The following BLM variants were observed in gnomAD, a reference collection of about 807,000 sequenced individuals.
BLM encodes recQ-like DNA helicase BLM.
BLM carries 95 observed loss-of-function variants against 135.3 expected under a neutral mutation model. The ratio of observed to expected loss-of-function variants is 0.70; its 90% CI spans 0.59 to 0.83. BLM has a LOEUF of 0.83. Ranked by LOEUF, BLM falls within the 40% of genes least tolerant of loss-of-function variation. BLM has a pLI of 0.00. For missense variants in BLM, 1,518 were observed against 1,663.9 expected (o/e 0.91, Z 1.53); for synonymous variants, 520 against 589.2 (o/e 0.88, Z 1.70).
At chr15:90,773,843 T>C (rs1896395929) in intron 12 of BLM, among the ~76,000 whole-genome samples, 1 of 152,188 alleles carries the variant, frequency 6.6e-6, no homozygotes, top group South Asian at 2.1e-4. Context: ...ATATTCCATT[T>C]TATGGATCCT....
chr15:90,809,099 G>C, intron 19 of BLM, 38 bp from the exon 20 acceptor site: 1 of 1,612,992 alleles, frequency 6.2e-7, no homozygotes, highest in Non-Finnish European at 8.5e-7. Context: ...TTTTCTATGG[G>C]TGATAATTTA....
At chr15:90,731,820 A>C (rs1895076949) in intron 1 of BLM, among the ~76,000 whole-genome samples, 1 of 151,764 alleles carries the variant, frequency 6.6e-6, no homozygotes, top group Non-Finnish European at 1.5e-5. Flanking sequence ...TTTTTTTAAA[A>C]ATCTATTTAT....
At chr15:90,784,796 C>T (rs960587758) in intron 13 of BLM, 125 bp from the exon 14 acceptor site, 12 of 1,002,570 alleles carry the variant, frequency 1.2e-5, no homozygotes, top group Non-Finnish European at 1.8e-5. Context: ...GTGTGGTCTT[C>T]CAGCAGTATA....
chr15:90,785,843 T>C (rs1003879214), intron 14 of BLM, among the ~76,000 whole-genome samples: 2 of 152,164 alleles, frequency 1.3e-5, no homozygotes, highest in Non-Finnish European at 2.9e-5. Flanking sequence ...TGTTTGCTTT[T>C]ATTTAGCATA....
At chr15:90,726,547 C>A (rs74829548) in intron 1 of BLM, among the ~76,000 whole-genome samples, 1 of 152,312 alleles carries the variant, frequency 6.6e-6, no homozygotes, top group African/African-American at 2.4e-5. Context: ...GGATTACAGG[C>A]ATGAGCCACC....
At chr15:90,789,625 GT>G (rs1202516256) in intron 14 of BLM, among the ~76,000 whole-genome samples, 1 of 152,098 alleles carries the variant, frequency 6.6e-6, no homozygotes, top group African/African-American at 2.4e-5. Flanking sequence ...CATTCCTGGT[GT>G]TGATAAATGT....
At chr15:90,734,070 G>C (rs919805969) in intron 1 of BLM, among the ~76,000 whole-genome samples, 3 of 152,004 alleles carry the variant, frequency 2.0e-5, no homozygotes, top group Admixed American at 2.0e-4. Context: ...AAACAGAACA[G>C]AATCCAGCAC....
chr15:90,764,732 A>G (rs1418787144), intron 8 of BLM, among the ~76,000 whole-genome samples: 3 of 152,194 alleles, frequency 2.0e-5, no homozygotes, highest in Admixed American at 6.5e-5. Context: ...ACTGTATTCC[A>G]CTACATTTTA....
chr15:90,775,524 GTGTGTGTA>G (rs1896452450), intron 12 of BLM, among the ~76,000 whole-genome samples: 1 of 148,216 alleles, frequency 6.7e-6, no homozygotes, highest in African/African-American at 2.6e-5. Flanking sequence ...GTGTGTGTGT[GTGTGTGTA>G]TTTTAGACCA....
intron 16 of BLM, among the ~76,000 whole-genome samples, chr15:90,794,958 G>A (rs1896995883): frequency 6.6e-6 from 1 of 151,904 alleles, no homozygotes; most frequent in African/African-American, 2.4e-5. Context: ...ACCCTTGGAA[G>A]GTTGTTAAAT....
At chr15:90,802,103 C>A (rs1897179205) in intron 17 of BLM, among the ~76,000 whole-genome samples, 1 of 152,118 alleles carries the variant, frequency 6.6e-6, no homozygotes, top group Non-Finnish European at 1.5e-5. Context: ...TTGTCCTCAG[C>A]AGTAAGGTTG....
intron 1 of BLM, among the ~76,000 whole-genome samples, chr15:90,731,716 C>T (rs749158307): frequency 1.1e-4 from 16 of 152,204 alleles, no homozygotes; most frequent in South Asian, 2.1e-4. Flanking sequence ...AATTAAATCT[C>T]GTCTTTCAAT....
rs1456964727 is a variant in BLM, at chr15:90,784,983, C to T, written c.2725C>T (p.Gln909Ter). Residue 909 changes from glutamine to a stop codon, truncating the protein, a stop_gained, in exon 14 of 22, where the codon CAG (glutamine) becomes TAG (stop). Coordinates refer to ENST00000355112, the MANE Select transcript of BLM (RefSeq NM_000057.4). LOFTEE classifies it high-confidence loss of function. ...RECDTMADTL[Q>*]RDGLAALAYH... ...ATGTGACACCATGGCTGACACGTTA[C>T]AGAGAGATGGGCTCGCTGCTCTTGC... 6.2e-7 allele frequency: 1 copy of T among 1,614,136 alleles called. No homozygotes were observed. Among genetic ancestry groups the T allele is most frequent in the Non-Finnish European group, 8.5e-7 (1 of 1,180,016 alleles).
At chr15:90,723,526 A>AC (rs1474171461) in intron 1 of BLM, among the ~76,000 whole-genome samples, 1 of 151,890 alleles carries the variant, frequency 6.6e-6, no homozygotes, top group Non-Finnish European at 1.5e-5. Context: ...GATGTCATGC[A>AC]CCTGTAGTTC....
chr15:90,750,868 C>T (rs772698406), intron 3 of BLM, among the ~76,000 whole-genome samples: 9 of 152,022 alleles, frequency 5.9e-5, no homozygotes, highest in Non-Finnish European at 1.2e-4. Context: ...TGATACTATC[C>T]GAGATTTCAG....
At position 90,754,862 on chromosome 15, in the gene BLM, A is replaced by T. The variant is rs773511833; in HGVS notation, c.1011A>T (p.Thr337=). Reference sequence around the variant, plus strand: ...ACAGAAAAGAGGATGTTCTTAGCACATCAAAAGATCTTTTGTCAAAACCTG... The same window carrying T: ...ACAGAAAAGAGGATGTTCTTAGCACTTCAAAAGATCTTTTGTCAAAACCTG... The part of the protein sequence containing the change: ...TSDRKEDVLS[T]SKDLLSKPEK... Residue 337 remains threonine (T), a synonymous_variant, in exon 5 of 22, where the codon ACA becomes ACT. Transcript: ENST00000355112. The T allele has an allele frequency of 3.7e-6, 6 of 1,614,020 alleles. No individual in the cohort carries two copies. Among genetic ancestry groups the T allele is most frequent in the African/African-American group, 1.3e-5 (1 of 75,054 alleles).
chr15:90,794,347 G>A lies in BLM; in HGVS notation c.3200G>A (p.Cys1067Tyr), dbSNP rs587779885. ...KHPDVSCDNC[C>Y]KTKDYKTRDV... ...CCAGATGTTTCTTGTGATAATTGCT[G>A]TAAAACAAAGGTAAAAAAAGAAGTT... Residue 1067 changes from cysteine to tyrosine, a missense_variant, in exon 16 of 22, where the codon TGT becomes TAT. Cys to Tyr is a radical substitution (Grantham distance 194). Transcript: ENST00000355112. 4.0e-5 allele frequency: 63 copies of A among 1,588,860 alleles called. No individual in the cohort carries two copies. The South Asian group carries it at 6.9e-4, about 17-fold the overall frequency.
chr15:90,743,513 G>A (rs114387311), intron 1 of BLM, among the ~76,000 whole-genome samples: 12 of 151,458 alleles, frequency 7.9e-5, no homozygotes, highest in African/African-American at 2.9e-4. Flanking sequence ...TTTATCACTG[G>A]TCTTTGTTAT....
intron 5 of BLM, among the ~76,000 whole-genome samples, chr15:90,759,566 C>G (rs1255333440): frequency 6.6e-6 from 1 of 151,698 alleles, no homozygotes; most frequent in African/African-American, 2.4e-5. Flanking sequence ...TGCAGTTTAA[C>G]CTGGGCAACA....
Sources: gnomAD v4.1 joint callset for allele counts (sites outside exome capture counted in the v4.1 genomes callset) on GRCh38, gnomAD v4.1.1 for gene constraint, MANE v1.5 for transcripts, NCBI Gene and HGNC (gene_info 2026-07-23, HGNC 2026-07-21) for gene names.